Variants in FRMD4A observed in about 807,000 individuals in gnomAD.
FRMD4A encodes the protein FERM domain-containing protein 4A.
A neutral mutation model predicts 129.1 loss-of-function variants in FRMD4A; 29 were observed. That is an observed-to-expected ratio of 0.22 (90% CI 0.17 to 0.31). FRMD4A has a LOEUF of 0.31. Ranked by LOEUF, FRMD4A falls within the 10% of genes least tolerant of loss-of-function variation. The probability of loss-of-function intolerance (pLI) is 1.00; values close to 1 mark genes in which losing one functional copy is unlikely to be tolerated. For missense variants in FRMD4A, 1,272 were observed against 1,375.8 expected (o/e 0.92, Z 1.19); for synonymous variants, 634 against 571.6 (o/e 1.11, Z -1.56).
chr10:13,911,295 T>C (rs79233795), intron 2 of FRMD4A, among the ~76,000 whole-genome samples: 3,106 of 152,296 alleles, frequency 0.02, 116 homozygotes, highest in African/African-American at 0.071. Context: ...TGCAAATGAA[T>C]GCAAATGTTG....
intron 2 of FRMD4A, among the ~76,000 whole-genome samples, chr10:14,306,954 T>C (rs1846373616): frequency 2.0e-5 from 3 of 152,140 alleles, no homozygotes; most frequent in Admixed American, 6.5e-5. Flanking sequence ...CATAATCCTA[T>C]AAAGAAAACA....
intron 2 of FRMD4A, among the ~76,000 whole-genome samples, chr10:14,325,593 C>G (rs969079090): frequency 4.6e-5 from 7 of 152,234 alleles, no homozygotes; most frequent in African/African-American, 1.4e-4. Flanking sequence ...TGTTATAGTT[C>G]TTATGTGATT....
intron 2 of FRMD4A, among the ~76,000 whole-genome samples, chr10:13,982,548 AC>A (rs1193103790): frequency 1.3e-5 from 2 of 151,184 alleles, no homozygotes. Flanking sequence ...AGGTCATAAG[AC>A]CCCCATTCCA....
At chr10:14,274,249 T>C (rs2132050781) in intron 2 of FRMD4A, among the ~76,000 whole-genome samples, 1 of 152,346 alleles carries the variant, frequency 6.6e-6, no homozygotes, top group Admixed American at 6.5e-5. Flanking sequence ...CCTAGAGGGA[T>C]GGCAGAACTT....
chr10:13,857,493 TTTTCCTATTTTCTG>T (rs55871145), intron 3 of FRMD4A, among the ~76,000 whole-genome samples: 42,640 of 152,024 alleles, frequency 0.28, 6,277 homozygotes, highest in Non-Finnish European at 0.33. Context: ...TTATGAGCCT[TTTTCCTATTTTCTG>T]TTTCCTATAT....
intron 2 of FRMD4A, among the ~76,000 whole-genome samples, chr10:14,132,334 G>A (rs929629736): frequency 2.0e-5 from 3 of 152,174 alleles, no homozygotes; most frequent in African/African-American, 4.8e-5. Context: ...ACATCCAATC[G>A]TGGGAGCTCC....
chr10:14,042,853 C>T (rs1480956236), intron 2 of FRMD4A, among the ~76,000 whole-genome samples: 1 of 141,870 alleles, frequency 7.0e-6, no homozygotes, highest in Non-Finnish European at 1.5e-5. Flanking sequence ...GTAATCCTAG[C>T]TACTCGGGAC....
intron 2 of FRMD4A, among the ~76,000 whole-genome samples, chr10:13,866,766 A>C (rs1184892191): frequency 6.6e-6 from 1 of 152,184 alleles, no homozygotes; most frequent in Non-Finnish European, 1.5e-5. Context: ...AGCTTGGCCA[A>C]CATGGTGAAA....
At chr10:14,094,638 C>G (rs1836846676) in intron 2 of FRMD4A, among the ~76,000 whole-genome samples, 1 of 152,146 alleles carries the variant, frequency 6.6e-6, no homozygotes, top group Admixed American at 6.5e-5. Flanking sequence ...CTGGAAAAAT[C>G]CTGTCTGCTT....
chr10:13,706,783 C>A (rs1254102249), intron 13 of FRMD4A, among the ~76,000 whole-genome samples: 6 of 150,494 alleles, frequency 4.0e-5, no homozygotes, highest in African/African-American at 1.5e-4. Flanking sequence ...CACACACGAG[C>A]CAGGGACACA....
At chr10:13,834,477 T>C (rs567091894) in intron 3 of FRMD4A, among the ~76,000 whole-genome samples, 2 of 151,958 alleles carry the variant, frequency 1.3e-5, no homozygotes, top group East Asian at 3.9e-4. Flanking sequence ...GGGAGAAAAA[T>C]GGTGAGATAT....
chr10:13,945,426 G>T, intron 2 of FRMD4A, among the ~76,000 whole-genome samples: 1 of 152,232 alleles, frequency 6.6e-6, no homozygotes, highest in South Asian at 2.1e-4. Context: ...CTTACAACCA[G>T]AATGCTATCA....
chr10:14,000,289 G>A (rs2095637041), intron 2 of FRMD4A, among the ~76,000 whole-genome samples: 2 of 152,236 alleles, frequency 1.3e-5, no homozygotes. Context: ...TATTACACAG[G>A]TGGATAATAT....
chr10:13,660,299 T>C lies in FRMD4A; in HGVS notation c.1898+17A>G, dbSNP rs995510870. The C allele has an allele frequency of 1.3e-6, 2 of 1,548,132 alleles. No homozygotes were observed. The highest frequency in any genetic ancestry group is 1.7e-5 in the Admixed American group (1 of 59,898). On this transcript the variant is annotated intron_variant, in intron 20 of 24. Coordinates refer to ENST00000357447, the MANE Select transcript of FRMD4A (RefSeq NM_018027.5). ...TAGAGGGAGGCCTCATTTGGCCTCA[T>C]TCACGATGCAGCTCACCTGGAATGG...
chr10:14,017,597 G>A lies in FRMD4A; in HGVS notation c.46-158685C>T, dbSNP rs571911623. On this transcript the variant is annotated intron_variant, in intron 2 of 24. Coordinates refer to ENST00000357447, the MANE Select transcript of FRMD4A (RefSeq NM_018027.5). ...ATTTCCATGCTTCCTTTTCCAGGAG[G>A]AGAAATTTAACAAGCAATTTTCTTC... 1.8e-3 allele frequency among the ~76,000 whole-genome samples: 276 copies of A among 152,276 alleles called. 1 individual carries two copies. The highest frequency in any genetic ancestry group is 3.4e-3 in the Middle Eastern group (1 of 294).
In FRMD4A at chr10:14,189,215, C is replaced by T. The variant is rs561657887; in HGVS notation, c.45+140843G>A. Among the ~76,000 whole-genome samples the T allele has an allele frequency of 5.3e-5, 8 of 152,230 alleles. No homozygotes were observed. In the South Asian group the frequency reaches 1.7e-3, roughly 32 times the overall value. On this transcript the variant is annotated intron_variant, in intron 2 of 24. Coordinates refer to ENST00000357447, the MANE Select transcript of FRMD4A (RefSeq NM_018027.5). The stretch of plus-strand genomic sequence containing the variant: ...AAACATGCCTACATCATTGGCAAAC[C>T]TTTGAAATCCCAATAGCAAAATGCC...
chr10:14,159,766 C>G (rs189880002), intron 2 of FRMD4A, among the ~76,000 whole-genome samples: 1 of 152,342 alleles, frequency 6.6e-6, no homozygotes, highest in Admixed American at 6.5e-5. Flanking sequence ...ATACCAAATG[C>G]TGGCTGGGCA....
At chr10:14,119,440 G>A (rs1035015725) in intron 2 of FRMD4A, among the ~76,000 whole-genome samples, 3 of 152,316 alleles carry the variant, frequency 2.0e-5, no homozygotes, top group South Asian at 2.1e-4. Context: ...CAGATATAAC[G>A]TTCCCCTTCC....
chr10:13,970,771 C>T (rs373327740), intron 2 of FRMD4A, among the ~76,000 whole-genome samples: 4 of 152,302 alleles, frequency 2.6e-5, no homozygotes, highest in Admixed American at 2.0e-4. Context: ...GAAGTCTCCG[C>T]GGCCAGCAGG....
Sources: gnomAD v4.1 joint callset for allele counts (sites outside exome capture counted in the v4.1 genomes callset) on GRCh38, gnomAD v4.1.1 for gene constraint, MANE v1.5 for transcripts, NCBI Gene and HGNC (gene_info 2026-07-23, HGNC 2026-07-21) for gene names.